The following NR3C2 variants were observed in gnomAD, a reference collection of about 807,000 sequenced individuals.
The protein encoded by NR3C2 is mineralocorticoid receptor.
NR3C2 carries 15 observed loss-of-function variants against 86.4 expected under a neutral mutation model. The observed-to-expected ratio is 0.17, with a 90% CI of 0.12 to 0.27. The LOEUF (loss-of-function observed/expected upper bound fraction) is 0.27, where lower values mean the gene tolerates loss of function less well. NR3C2 is among the 10% of genes least tolerant of loss of function. The probability of loss-of-function intolerance (pLI) is 1.00; values close to 1 mark genes in which losing one functional copy is unlikely to be tolerated. For synonymous variants in NR3C2, 458 were observed against 450.5 expected (o/e 1.02, Z -0.21); for missense variants, 960 against 1,195.6 (o/e 0.80, Z 2.91).
chr4:148,442,488 G>C (rs72646915), upstream of NR3C2: 318 of 239,318 alleles, frequency 1.3e-3, 2 homozygotes, highest in African/African-American at 7.2e-3. Flanking sequence ...AAGCCCGGAG[G>C]GGGAGTGGGC....
chr4:148,335,814 CAT>C (rs778571714), intron 2 of NR3C2, among the ~76,000 whole-genome samples: 4 of 151,052 alleles, frequency 2.6e-5, no homozygotes, highest in Non-Finnish European at 4.4e-5. Flanking sequence ...TTAAGAAAAT[CAT>C]AGAGAAAAAT....
intron 4 of NR3C2, among the ~76,000 whole-genome samples, chr4:148,155,856 G>A (rs11099679): frequency 0.2 from 30,039 of 151,604 alleles, 3,235 homozygotes; most frequent in Middle Eastern, 0.32. Flanking sequence ...ACCTGACTTC[G>A]AACTATACTA....
intron 6 of NR3C2, among the ~76,000 whole-genome samples, chr4:148,128,739 A>G (rs960817858): frequency 1.3e-5 from 2 of 152,144 alleles, no homozygotes; most frequent in Non-Finnish European, 2.9e-5. Context: ...CTTACCACTC[A>G]ACTCCTTAAT....
At chr4:148,195,060 T>A (rs912854674) in intron 3 of NR3C2, among the ~76,000 whole-genome samples, 198 bp from the exon 4 acceptor site, 1 of 152,238 alleles carries the variant, frequency 6.6e-6, no homozygotes, top group Non-Finnish European at 1.5e-5. Context: ...TTACATATGA[T>A]AACATTACAC....
At chr4:148,372,617 G>C (rs1579219344) in intron 2 of NR3C2, among the ~76,000 whole-genome samples, 1 of 152,122 alleles carries the variant, frequency 6.6e-6, no homozygotes, top group Non-Finnish European at 1.5e-5. Flanking sequence ...AATACATTAT[G>C]AAACATTATA....
intron 2 of NR3C2, among the ~76,000 whole-genome samples, chr4:148,286,045 T>C (rs1741504131): frequency 6.6e-6 from 1 of 152,372 alleles, no homozygotes; most frequent in African/African-American, 2.4e-5. Context: ...GTAATTAACA[T>C]ATGACTAGAA....
intron 3 of NR3C2, among the ~76,000 whole-genome samples, chr4:148,209,729 C>G (rs919962292): frequency 4.6e-5 from 7 of 152,260 alleles, no homozygotes; most frequent in African/African-American, 1.4e-4. Flanking sequence ...CAGGAGAAGC[C>G]AATTAGGGCT....
At chr4:148,191,601 C>A (rs966545160) in intron 4 of NR3C2, among the ~76,000 whole-genome samples, 3 of 152,180 alleles carry the variant, frequency 2.0e-5, no homozygotes, top group Non-Finnish European at 2.9e-5. Flanking sequence ...GAATTCTCTT[C>A]TTCCTCAAGT....
chr4:148,249,455 T>A (rs188696429), intron 3 of NR3C2, among the ~76,000 whole-genome samples: 2 of 152,346 alleles, frequency 1.3e-5, no homozygotes, highest in East Asian at 3.9e-4. Context: ...TGATTTGCTA[T>A]AAGTGACCTT....
intron 2 of NR3C2, among the ~76,000 whole-genome samples, chr4:148,350,331 T>C (rs1745211537): frequency 6.6e-6 from 1 of 152,174 alleles, no homozygotes; most frequent in Non-Finnish European, 1.5e-5. Context: ...ACATTTCAGG[T>C]GGTAAGACTG....
chr4:148,329,337 T>TAA (rs1224108451), intron 2 of NR3C2, among the ~76,000 whole-genome samples: 1 of 3,876 alleles, frequency 2.6e-4, no homozygotes, highest in Non-Finnish European at 2.0e-3. Flanking sequence ...TACACATGCA[T>TAA]ATATATACAC....
At chr4:148,217,491 A>T (rs946728991) in intron 3 of NR3C2, among the ~76,000 whole-genome samples, 2 of 152,114 alleles carry the variant, frequency 1.3e-5, no homozygotes, top group Non-Finnish European at 2.9e-5. Context: ...GAGTCTTTGG[A>T]ACTCACTGGA....
chr4:148,272,758 G>A (rs1040501421), intron 2 of NR3C2, among the ~76,000 whole-genome samples: 9 of 151,930 alleles, frequency 5.9e-5, no homozygotes, highest in East Asian at 1.9e-4. Flanking sequence ...TGTCTTTGGC[G>A]CAGGTCTGAG....
chr4:148,351,847 A>C (rs766648256), intron 2 of NR3C2, among the ~76,000 whole-genome samples: 2 of 152,168 alleles, frequency 1.3e-5, no homozygotes, highest in African/African-American at 4.8e-5. Context: ...TGTAGGTGGT[A>C]TTACTGCCTC....
intron 2 of NR3C2, among the ~76,000 whole-genome samples, chr4:148,333,536 T>TAAAAAAAAAAAAAAAAAA (rs372805275): frequency 6.6e-6 from 1 of 151,672 alleles, no homozygotes; most frequent in African/African-American, 2.4e-5. Flanking sequence ...AAAGTCTCCT[T>TAAAAAAAAAAAAAAAAAA]AAAATCTCCC....
At chr4:148,114,909 A>G (rs561240600) in intron 7 of NR3C2, among the ~76,000 whole-genome samples, 1 of 152,276 alleles carries the variant, frequency 6.6e-6, no homozygotes, top group African/African-American at 2.4e-5. Context: ...TCCACTTTGC[A>G]CCAGGATCTC....
intron 3 of NR3C2, among the ~76,000 whole-genome samples, chr4:148,249,318 C>CTAT: frequency 6.6e-6 from 1 of 151,886 alleles, no homozygotes; most frequent in South Asian, 2.1e-4. Context: ...AAAAAAAATT[C>CTAT]TATAGTTTTG....
At chr4:148,234,631 C>T (rs1054657325) in intron 3 of NR3C2, among the ~76,000 whole-genome samples, 2 of 149,404 alleles carry the variant, frequency 1.3e-5, no homozygotes, top group Admixed American at 6.7e-5. Flanking sequence ...TGCAGTGAGC[C>T]AAGATTGCGC....
chr4:148,268,013 C>T (rs1740489061), intron 2 of NR3C2, among the ~76,000 whole-genome samples: 2 of 147,110 alleles, frequency 1.4e-5, no homozygotes, highest in African/African-American at 2.5e-5. Context: ...GATCTCAGCT[C>T]ACTGTAACCT....
Sources: gnomAD v4.1 joint callset for allele counts (sites outside exome capture counted in the v4.1 genomes callset) on GRCh38, gnomAD v4.1.1 for gene constraint, MANE v1.5 for transcripts, NCBI Gene and HGNC (gene_info 2026-07-23, HGNC 2026-07-21) for gene names.